Variants in RESF1 observed in about 807,000 individuals in gnomAD.
RESF1 encodes the protein retroelement silencing factor 1.
RESF1 carries 65 observed loss-of-function variants against 134.7 expected under a neutral mutation model. The observed-to-expected ratio is 0.48, with a 90% CI of 0.40 to 0.59. The LOEUF is 0.59. Ranked by LOEUF, RESF1 falls within the 20% of genes least tolerant of loss-of-function variation. The probability of loss-of-function intolerance (pLI) is 0.00; values close to 1 mark genes in which losing one functional copy is unlikely to be tolerated. For missense variants in RESF1, 2,274 were observed against 2,002.7 expected (o/e 1.14, Z -2.59); for synonymous variants, 762 against 702.2 (o/e 1.09, Z -1.35).
In RESF1 at chr12:31,981,064, C is replaced by CA; in HGVS notation, c.110dup (p.Ser38GlufsTer9). The CA allele has an allele frequency of 6.2e-7, 1 of 1,614,148 alleles. No individual in the cohort carries two copies. The highest frequency in any genetic ancestry group is 1.1e-5 in the South Asian group (1 of 91,074). On this transcript the variant is annotated frameshift_variant, in exon 4 of 6. Coordinates refer to ENST00000312561, the MANE Select transcript of RESF1 (RefSeq NM_018169.4). LOFTEE classifies it high-confidence loss of function. ...AATAAACCAAATTACCACAACATCT[C>CA]AGAGTTCTTTCAGCTATCCTGGAAG...
chr12:31,965,116 C>T (rs957862562), intron 2 of RESF1, among the ~76,000 whole-genome samples: 1 of 152,108 alleles, frequency 6.6e-6, no homozygotes, highest in East Asian at 1.9e-4. Context: ...GCCACCACAC[C>T]GCGGTAATTT....
At chr12:31,979,088 T>A (rs1274994808) in intron 3 of RESF1, among the ~76,000 whole-genome samples, 1 of 151,690 alleles carries the variant, frequency 6.6e-6, no homozygotes, top group Non-Finnish European at 1.5e-5. Flanking sequence ...ACCTGGCTAA[T>A]TTTTTGTATT....
intron 5 of RESF1, 78 bp downstream of exon 5, chr12:31,987,400 A>T: frequency 1.3e-6 from 1 of 791,358 alleles, no homozygotes; most frequent in Admixed American, 2.7e-5. Flanking sequence ...TTATGATATG[A>T]TTGTAAAGTA....
rs747994748 is a variant in RESF1 at position 31,981,036 on chromosome 12, T to G, written c.81T>G (p.Ser27=). 4 of 1,614,046 alleles carry G rather than the reference T, an allele frequency of 2.5e-6. No homozygotes were observed. Among genetic ancestry groups the G allele is most frequent in the Non-Finnish European group, 3.4e-6 (4 of 1,180,020 alleles). The change falls in exon 4 of 6, where the codon TCT becomes TCG. Residue 27 remains serine (S), a synonymous_variant. Coordinates refer to ENST00000312561, the MANE Select transcript of RESF1 (RefSeq NM_018169.4). ...GCCAGCCACCTTTTTTGCACCAGTCTTTAATAAACCAAATTACCACAACAT... is the reference window on the plus strand; with the variant it reads ...GCCAGCCACCTTTTTTGCACCAGTCGTTAATAAACCAAATTACCACAACAT... ...PKSQPPFLHQ[S]LINQITTTSQ...
rs1162932736 is a variant in RESF1 at position 31,984,474 on chromosome 12, T to C, written c.3519T>C (p.Cys1173=). 2.5e-6 allele frequency: 4 copies of C among 1,612,670 alleles called. No individual in the cohort carries two copies. In the Admixed American group the frequency reaches 5.0e-5, roughly 20 times the overall value. ...LDSEKDDIHC[C]ALGWLSMVYE... ...CTGAGAAAGATGATATCCACTGCTG[T>C]GCATTGGGCTGGCTCTCCATGGTTT... The change falls in exon 4 of 6, where the codon TGT becomes TGC. Residue 1173 remains cysteine (C), a synonymous_variant. Coordinates refer to ENST00000312561, the MANE Select transcript of RESF1 (RefSeq NM_018169.4).
intron 4 of RESF1, 49 bp downstream of exon 4, chr12:31,986,006 A>G (rs1008251589): frequency 4.6e-6 from 6 of 1,296,730 alleles, no homozygotes; most frequent in Non-Finnish European, 6.1e-6. Flanking sequence ...AAAGAGTCGT[A>G]GGTCAATATT....
intron 3 of RESF1, among the ~76,000 whole-genome samples, chr12:31,970,712 G>A (rs1939487369): frequency 6.6e-6 from 1 of 152,166 alleles, no homozygotes; most frequent in Admixed American, 6.5e-5. Context: ...ACTCAAAAGG[G>A]TGCTGCTTTA....
intron 5 of RESF1, among the ~76,000 whole-genome samples, chr12:31,992,030 C>A (rs1239501531): frequency 6.6e-6 from 1 of 152,202 alleles, no homozygotes; most frequent in East Asian, 1.9e-4. Flanking sequence ...CATATTTGTA[C>A]TCTTTGTATT....
chr12:31,992,318 T>G, intron 5 of RESF1, 60 bp from the exon 6 acceptor site: 1 of 1,400,582 alleles, frequency 7.1e-7, no homozygotes, highest in Non-Finnish European at 9.9e-7. Context: ...GAATTTTGAT[T>G]ATATATTGAT....
At chr12:31,967,616 G>GCCCACC (rs1555204833) in intron 2 of RESF1, among the ~76,000 whole-genome samples, 2 of 63,404 alleles carry the variant, frequency 3.2e-5, no homozygotes, top group Non-Finnish European at 6.5e-5. Flanking sequence ...CTGCACGCCC[G>GCCCACC]CCCACCCCCA....
At chr12:31,959,963 C>CT (rs200957660) in intron 1 of RESF1, 23,328 of 144,536 alleles carry the variant, frequency 0.16, 2,220 homozygotes, top group Admixed American at 0.29. Context: ...AAAGAAAAAT[C>CT]TTTTTTTTTT....
At chr12:31,964,186 T>A (rs1939343483) in intron 2 of RESF1, among the ~76,000 whole-genome samples, 1 of 147,134 alleles carries the variant, frequency 6.8e-6, no homozygotes, top group South Asian at 2.2e-4. Context: ...TGGGGGTACG[T>A]GTATAGGTAA....
rs143720733 is a variant in RESF1 at position 31,983,208 on chromosome 12, T to A, written c.2253T>A (p.Asn751Lys). Reference protein sequence around the residue: ...VMHNYESSGINITKGTELQIA... With the variant: ...VMHNYESSGIKITKGTELQIA... Reference sequence around the variant, plus strand: ...ACAATTATGAGTCTTCAGGTATAAATATAACAAAGGGAACAGAACTTCAGA... The same window carrying A: ...ACAATTATGAGTCTTCAGGTATAAAAATAACAAAGGGAACAGAACTTCAGA... The change falls in exon 4 of 6, where the codon AAT becomes AAA. Residue 751 changes from asparagine to lysine, a missense_variant. Asn to Lys is a moderately conservative substitution (Grantham distance 94). Transcript: ENST00000312561. 1 of 1,610,204 alleles carries A rather than the reference T, an allele frequency of 6.2e-7. No homozygotes were observed. The highest frequency in any genetic ancestry group is 1.7e-5 in the Admixed American group (1 of 59,220).
Position 31,981,003 on chromosome 12 carries a change from T to C in RESF1, c.48T>C (p.Tyr16=). The change falls in exon 4 of 6, where the codon TAT becomes TAC. Residue 16 remains tyrosine (Y), a synonymous_variant. Transcript: ENST00000312561. ...KPKSATLPPL[Y]PKSQPPFLHQ... ...AGAGTGCTACATTACCACCACTGTA[T>C]CCTAAAAGCCAGCCACCTTTTTTGC... 1 of 1,613,784 alleles carries C rather than the reference T, an allele frequency of 6.2e-7. No homozygotes were observed. The highest frequency in any genetic ancestry group is 8.5e-7 in the Non-Finnish European group (1 of 1,179,842).
At chr12:31,977,342 G>A (rs1261695857) in intron 3 of RESF1, among the ~76,000 whole-genome samples, 4 of 152,036 alleles carry the variant, frequency 2.6e-5, no homozygotes, top group South Asian at 2.1e-4. Flanking sequence ...CACCACATCC[G>A]GCTAATTTTT....
intron 5 of RESF1, among the ~76,000 whole-genome samples, chr12:31,987,665 C>G (rs1940005522): frequency 6.6e-6 from 1 of 152,130 alleles, no homozygotes; most frequent in African/African-American, 2.4e-5. Context: ...GACTCTGTTT[C>G]AGGGAAATGG....
intron 3 of RESF1, among the ~76,000 whole-genome samples, chr12:31,980,109 T>C (rs1313238282): frequency 5.4e-5 from 1 of 18,604 alleles, no homozygotes; most frequent in African/African-American, 1.5e-4. Context: ...TTTCTTTTCC[T>C]TTTTTTTTTT....
chr12:31,964,370 A>G (rs996643779), intron 2 of RESF1, among the ~76,000 whole-genome samples: 1 of 151,742 alleles, frequency 6.6e-6, no homozygotes, highest in Non-Finnish European at 1.5e-5. Context: ...TTTAGCTCCC[A>G]CTTATGTGTG....
rs201028730 is a variant in RESF1, at chr12:31,981,124, A to G, written c.169A>G (p.Asn57Asp). The change falls in exon 4 of 6, where the codon AAT becomes GAT. Residue 57 changes from asparagine (N) to aspartate (D), a missense_variant. By Grantham distance (23) the Asn-to-Asp change is conservative. Coordinates refer to ENST00000312561, the MANE Select transcript of RESF1 (RefSeq NM_018169.4). The stretch of plus-strand genomic sequence containing the variant: ...AGCATGCATGTATCCCGGTAATTCA[A>G]ATCCAATTTCACAGCCACTGCTGAA... ...QEACMYPGNS[N>D]PISQPLLNIQ... The G allele has an allele frequency of 2.5e-6, 4 of 1,614,192 alleles. No individual in the cohort carries two copies. Among genetic ancestry groups the G allele is most frequent in the East Asian group, 2.2e-5 (1 of 44,880 alleles).
Sources: allele counts gnomAD v4.1 joint callset (sites outside exome capture counted in the v4.1 genomes callset), GRCh38; gene constraint gnomAD v4.1.1; transcripts MANE v1.5; gene names NCBI Gene and HGNC (gene_info 2026-07-23, HGNC 2026-07-21).